Variants in C1orf185 observed in about 807,000 individuals in gnomAD.
C1orf185 encodes the protein uncharacterized protein C1orf185.
Under a neutral mutation model 16.1 loss-of-function variants are expected in C1orf185, and 13 were observed. That is an observed-to-expected ratio of 0.81 (90% CI 0.53 to 1.28). The LOEUF (loss-of-function observed/expected upper bound fraction) is 1.28. Ranked by LOEUF, C1orf185 falls within the 50% of genes most tolerant of loss-of-function variation. The pLI, the probability that C1orf185 is intolerant of heterozygous loss-of-function variation, is 0.00. For synonymous variants in C1orf185, 80 were observed against 76.9 expected (o/e 1.04, Z -0.21); for missense variants, 220 against 225.2 (o/e 0.98, Z 0.15).
At chr1:51,148,312 G>A (rs376898735), downstream of C1orf185, among the ~76,000 whole-genome samples, 88 of 152,144 alleles carry the variant, frequency 5.8e-4, no homozygotes, top group Non-Finnish European at 1.0e-3. Context: ...TAGTAGAGAT[G>A]AGGTTTCACC....
At chr1:51,135,442 G>A (rs1361709282) in intron 3 of C1orf185, among the ~76,000 whole-genome samples, 9 of 152,194 alleles carry the variant, frequency 5.9e-5, no homozygotes, top group African/African-American at 1.2e-4. Context: ...GGGAGGCTGA[G>A]GCAGGAGAAT....
At chr1:51,127,885 G>GTTTTTTTTT (rs769457494) in intron 3 of C1orf185, among the ~76,000 whole-genome samples, 4 of 115,302 alleles carry the variant, frequency 3.5e-5, no homozygotes, top group Non-Finnish European at 5.5e-5. Context: ...TCTTTTCTTT[G>GTTTTTTTTT]TTTTTTTTTT....
At chr1:51,144,192 C>T (rs1570323089) in intron 3 of C1orf185, among the ~76,000 whole-genome samples, 1 of 152,258 alleles carries the variant, frequency 6.6e-6, no homozygotes, top group African/African-American at 2.4e-5. Context: ...CTAGGCGAGC[C>T]TATTAGAAAT....
chr1:51,116,920 C>A (rs6704076), intron 2 of C1orf185, among the ~76,000 whole-genome samples: 11,667 of 152,238 alleles, frequency 0.077, 1,355 homozygotes, highest in African/African-American at 0.25. Flanking sequence ...TACCTTAATA[C>A]TAAAGGCTTC....
At position 51,102,233 on chromosome 1, in the gene C1orf185, T is replaced by C. The variant is rs1192685276; in HGVS notation, c.-1T>C. 2 of 714,386 alleles carry C rather than the reference T, an allele frequency of 2.8e-6. No individual in the cohort carries two copies. The highest frequency in any genetic ancestry group is 5.2e-6 in the Non-Finnish European group (2 of 382,776). The allele number at this position is 714,386 out of a possible 1,614,324, so 44.3% of individuals were successfully genotyped here. A position where few individuals can be genotyped will look rare whatever the true frequency, so the allele number is the denominator to read the frequency against. On this transcript the variant is annotated 5_prime_UTR_variant, in exon 1 of 5. Coordinates refer to ENST00000371759, the MANE Select transcript of C1orf185 (RefSeq NM_001136508.2). Reference sequence around the variant, plus strand: ...AATTCTATTGGTTAGAACTCAGTCATATGGCTTCACCTAAAGGTATGAGAA... The same window carrying C: ...AATTCTATTGGTTAGAACTCAGTCACATGGCTTCACCTAAAGGTATGAGAA...
intron 4 of C1orf185, among the ~76,000 whole-genome samples, chr1:51,145,981 T>A (rs1312075202): frequency 6.6e-6 from 1 of 152,228 alleles, no homozygotes; most frequent in Non-Finnish European, 1.5e-5. Flanking sequence ...TTTTAATTTT[T>A]ATCTCTTATT....
intron 3 of C1orf185, among the ~76,000 whole-genome samples, chr1:51,120,149 C>T (rs946892208): frequency 1.3e-5 from 2 of 152,038 alleles, no homozygotes; most frequent in African/African-American, 2.4e-5. Context: ...TTATAATGTT[C>T]GGAGCCTAGG....
intron 1 of C1orf185, among the ~76,000 whole-genome samples, chr1:51,105,181 G>T (rs1646060280): frequency 6.6e-6 from 1 of 151,868 alleles, no homozygotes; most frequent in African/African-American, 2.4e-5. Flanking sequence ...TGGCCAGGCT[G>T]GTCTCGAACT....
chr1:51,120,253 G>T (rs547171356), intron 3 of C1orf185, among the ~76,000 whole-genome samples: 1 of 152,148 alleles, frequency 6.6e-6, no homozygotes, highest in Non-Finnish European at 1.5e-5. Flanking sequence ...CCCTTAGGCC[G>T]CACAGAACCA....
chr1:51,138,461 C>T (rs973440199), intron 3 of C1orf185, among the ~76,000 whole-genome samples: 9 of 151,792 alleles, frequency 5.9e-5, no homozygotes, highest in African/African-American at 2.2e-4. Flanking sequence ...GGCACAATCT[C>T]GGCTCACTGC....
chr1:51,110,111 C>G (rs984143971), intron 1 of C1orf185, among the ~76,000 whole-genome samples: 7 of 152,156 alleles, frequency 4.6e-5, no homozygotes, highest in Non-Finnish European at 8.8e-5. Context: ...TACTATTCCC[C>G]CACTTACCAG....
chr1:51,118,586 A>G lies in C1orf185; in HGVS notation c.123-80A>G, dbSNP rs570942665. 3.3e-6 allele frequency: 3 copies of G among 899,608 alleles called. No individual in the cohort carries two copies. The South Asian group carries it at 1.1e-4, about 33-fold the overall frequency. 55.7% of individuals were successfully genotyped at this position (899,608 alleles called of 1,614,324 possible). A position where few individuals can be genotyped will look rare whatever the true frequency, so the allele number is the denominator to read the frequency against. ...TTATTCTGATTTTAAAGCTTTATGT[A>G]TAAATATTGGAAATAATGATTTTAA... On this transcript the variant is annotated intron_variant, in intron 2 of 4. Coordinates refer to ENST00000371759, the MANE Select transcript of C1orf185 (RefSeq NM_001136508.2).
intron 3 of C1orf185, among the ~76,000 whole-genome samples, chr1:51,144,899 A>G (rs1646389041): frequency 2.0e-5 from 3 of 152,064 alleles, no homozygotes. Flanking sequence ...GCTTTTGCCT[A>G]TTGTTTATCT....
chr1:51,103,557 T>G (rs1023593967), intron 1 of C1orf185, among the ~76,000 whole-genome samples: 2 of 149,800 alleles, frequency 1.3e-5, no homozygotes, highest in East Asian at 2.0e-4. Flanking sequence ...TTTTTGAGAC[T>G]GAGTTTCACT....
At chr1:51,123,413 C>T (rs1287132428) in intron 3 of C1orf185, among the ~76,000 whole-genome samples, 1 of 152,096 alleles carries the variant, frequency 6.6e-6, no homozygotes, top group East Asian at 1.9e-4. Context: ...ATCCATTCAC[C>T]TATGGAAGGA....
chr1:51,132,497 C>A (rs1033556207), intron 3 of C1orf185, among the ~76,000 whole-genome samples: 1 of 151,970 alleles, frequency 6.6e-6, no homozygotes, highest in Non-Finnish European at 1.5e-5. Flanking sequence ...AAACTCAGAG[C>A]TTGAAGATGG....
chr1:51,103,223 T>C (rs1646044597), intron 1 of C1orf185, among the ~76,000 whole-genome samples: 1 of 151,796 alleles, frequency 6.6e-6, no homozygotes, highest in Non-Finnish European at 1.5e-5. Context: ...CTGGGCAACA[T>C]AGAGAGATTC....
chr1:51,131,202 C>T (rs1433642284), intron 3 of C1orf185, among the ~76,000 whole-genome samples: 1 of 152,268 alleles, frequency 6.6e-6, no homozygotes, highest in East Asian at 1.9e-4. Context: ...TATGCCCAGC[C>T]GTTAATTGTT....
chr1:51,111,800 G>A (rs528892268), intron 1 of C1orf185, among the ~76,000 whole-genome samples: 46 of 152,226 alleles, frequency 3.0e-4, no homozygotes, highest in Middle Eastern at 3.4e-3. Context: ...GATTACAGGC[G>A]TGAGCCACGG....
Sources: allele counts gnomAD v4.1 joint callset (sites outside exome capture counted in the v4.1 genomes callset), GRCh38; gene constraint gnomAD v4.1.1; transcripts MANE v1.5; gene names NCBI Gene and HGNC (gene_info 2026-07-23, HGNC 2026-07-21).